Variants in FBXL17 observed in about 807,000 individuals in gnomAD.
FBXL17 encodes F-box and leucine rich repeat protein 17, also known as F-box/LRR-repeat protein 17.
FBXL17 carries 22 observed loss-of-function variants against 66.2 expected under a neutral mutation model. The ratio of observed to expected loss-of-function variants is 0.33; its 90% CI spans 0.24 to 0.47. The LOEUF (loss-of-function observed/expected upper bound fraction) is 0.47. Among genes scored for constraint, FBXL17 ranks in the 20% least tolerant of loss-of-function variants. FBXL17 has a pLI of 1.00. For missense variants in FBXL17, 878 were observed against 948.2 expected, an observed-to-expected ratio of 0.93 and a Z score of 0.97; for synonymous variants, 474 against 400.5, an observed-to-expected ratio of 1.18 and a Z score of -2.19.
intron 7 of FBXL17, among the ~76,000 whole-genome samples, chr5:107,921,725 G>A (rs1750327616): frequency 6.6e-6 from 1 of 152,158 alleles, no homozygotes; most frequent in South Asian, 2.1e-4. Flanking sequence ...TTCCCCTTGG[G>A]AAGCTCTTGC....
At chr5:107,986,540 T>A (rs1168776707) in intron 7 of FBXL17, among the ~76,000 whole-genome samples, 2 of 151,776 alleles carry the variant, frequency 1.3e-5, no homozygotes, top group East Asian at 1.9e-4. Flanking sequence ...CAATGTGTCA[T>A]ATCTTCCTTA....
intron 7 of FBXL17, among the ~76,000 whole-genome samples, chr5:107,903,234 A>C (rs2112535330): frequency 6.6e-6 from 1 of 152,314 alleles, no homozygotes; most frequent in Middle Eastern, 3.4e-3. Flanking sequence ...TTTTCAATTT[A>C]AATATTAGCT....
chr5:108,378,258 CA>C (rs1749583606), intron 1 of FBXL17, among the ~76,000 whole-genome samples: 1 of 150,560 alleles, frequency 6.6e-6, no homozygotes, highest in East Asian at 1.9e-4. Context: ...GTAGCTTTCC[CA>C]AAAAACATCC....
At chr5:108,365,037 T>C in intron 2 of FBXL17, 42 bp from the exon 3 acceptor site, 3 of 1,445,198 alleles carry the variant, frequency 2.1e-6, no homozygotes, top group Non-Finnish European at 2.8e-6. Flanking sequence ...TTGCTAAAAA[T>C]AAAAACGTAT....
rs1466837042 is a variant in FBXL17, at chr5:108,381,285, G to A, written c.407C>T (p.Ser136Leu). 1.4e-6 allele frequency: 2 copies of A among 1,416,566 alleles called. No homozygotes were observed. The highest frequency in any genetic ancestry group is 3.0e-5 in the Admixed American group (1 of 33,512). The allele number at this position is 1,416,566 out of a possible 1,614,324, so 87.7% of individuals were successfully genotyped here. A position where few individuals can be genotyped will look rare whatever the true frequency, so the allele number is the denominator to read the frequency against. The change falls in exon 1 of 9, where the codon TCG (serine) becomes TTG (leucine). Residue 136 changes from serine to leucine, a missense_variant. Ser to Leu is a moderately radical substitution (Grantham distance 145, BLOSUM62 -2). Around this residue, in one of 4 missense-constraint regions of FBXL17, gnomAD observed 605 missense variants for 509.5 expected, o/e 1.19. Coordinates refer to ENST00000542267, the MANE Select transcript of FBXL17 (RefSeq NM_001163315.3). Reference protein sequence around the residue: ...AAAAAAASASSPASCCKELGL... With the variant: ...AAAAAAASASLPASCCKELGL... ...CAACTCTTTGCAGCAGGAGGCGGGC[G>A]ACGAAGCCGAGGCGGCAGCGGCGGC...
chr5:108,227,787 A>G (rs1230658906), intron 4 of FBXL17, among the ~76,000 whole-genome samples: 1 of 152,226 alleles, frequency 6.6e-6, no homozygotes, highest in Non-Finnish European at 1.5e-5. Flanking sequence ...TAAATTTAAA[A>G]TAGGCTTTCC....
chr5:107,886,755 A>T (rs572644143), intron 7 of FBXL17, among the ~76,000 whole-genome samples: 1 of 152,166 alleles, frequency 6.6e-6, no homozygotes, highest in Non-Finnish European at 1.5e-5. Flanking sequence ...AAATATAAAC[A>T]TATTAACATT....
intron 7 of FBXL17, among the ~76,000 whole-genome samples, chr5:107,909,162 C>T (rs531696341): frequency 9.9e-5 from 15 of 152,190 alleles, no homozygotes; most frequent in Middle Eastern, 3.4e-3. Flanking sequence ...TGAGTAAAAA[C>T]ACAGTGAAGG....
At chr5:108,308,065 T>G (rs1056356350) in intron 4 of FBXL17, among the ~76,000 whole-genome samples, 1 of 152,074 alleles carries the variant, frequency 6.6e-6, no homozygotes, top group African/African-American at 2.4e-5. Flanking sequence ...TTTGTTCCTA[T>G]AAATAGAAAC....
chr5:108,329,496 A>G (rs1193277046), intron 4 of FBXL17, among the ~76,000 whole-genome samples: 1 of 152,160 alleles, frequency 6.6e-6, no homozygotes, highest in East Asian at 1.9e-4. Flanking sequence ...CAATGTCCTT[A>G]ACAATAAATA....
intron 7 of FBXL17, among the ~76,000 whole-genome samples, chr5:107,967,482 G>A (rs1425805719): frequency 7.1e-6 from 1 of 141,190 alleles, no homozygotes; most frequent in South Asian, 2.4e-4. Flanking sequence ...ACTGAACAAT[G>A]AGAACACTTG....
Position 108,381,375 on chromosome 5 carries a change from G to A in FBXL17, c.317C>T (p.Ala106Val), listed in dbSNP as rs949166241. 2.5e-5 allele frequency: 33 copies of A among 1,326,682 alleles called. No individual in the cohort carries two copies. The highest frequency in any genetic ancestry group is 8.2e-5 in the Admixed American group (2 of 24,454). 82.2% of individuals were successfully genotyped at this position (1,326,682 alleles called of 1,614,324 possible). Residue 106 changes from alanine to valine, a missense_variant, in exon 1 of 9, where the codon GCC (alanine) becomes GTC (valine). Ala to Val is a moderately conservative substitution (Grantham distance 64). This residue lies in a region of FBXL17 where 605 missense variants were observed against 509.5 expected (regional missense o/e 1.19). Coordinates refer to ENST00000542267, the MANE Select transcript of FBXL17 (RefSeq NM_001163315.3). ...AGCGGCGCAGTCCTCGGCGGCCAGG[G>A]CCGCGTAGCGCCGCGCCAGGTGCTG... is the stretch of plus-strand genomic sequence containing the variant. ...SSQHLARRYA[A>V]LAAEDCAAAA...
chr5:108,039,832 T>C (rs1321743019), intron 6 of FBXL17, among the ~76,000 whole-genome samples: 1 of 152,028 alleles, frequency 6.6e-6, no homozygotes, highest in Non-Finnish European at 1.5e-5. Flanking sequence ...CTCAAAGATG[T>C]TAGAAAATGT....
chr5:107,889,682 C>A (rs866015473), intron 7 of FBXL17, among the ~76,000 whole-genome samples: 1 of 152,190 alleles, frequency 6.6e-6, no homozygotes, highest in Admixed American at 6.5e-5. Flanking sequence ...TAGGTTGCAT[C>A]TGCTTTCCTT....
intron 4 of FBXL17, among the ~76,000 whole-genome samples, chr5:108,232,782 C>CATATATATATATATATAATATAT (rs1755404841): frequency 1.3e-5 from 1 of 78,164 alleles, no homozygotes; most frequent in African/African-American, 4.9e-5. Context: ...TAAGCTCTCA[C>CATATATATATATATATAATATAT]ATATATATAT....
chr5:107,903,037 C>T (rs1227933686), intron 7 of FBXL17, among the ~76,000 whole-genome samples: 2 of 152,014 alleles, frequency 1.3e-5, no homozygotes, highest in Non-Finnish European at 2.9e-5. Context: ...TTTCATCAAC[C>T]TCTATATGAT....
chr5:108,292,779 TGTCA>T (rs1483656919), intron 4 of FBXL17, among the ~76,000 whole-genome samples: 3 of 152,146 alleles, frequency 2.0e-5, no homozygotes, highest in African/African-American at 7.2e-5. Flanking sequence ...CTTAGCATGG[TGTCA>T]GTATTTATTA....
chr5:107,900,679 GACA>G (rs946800856), intron 7 of FBXL17, among the ~76,000 whole-genome samples: 3 of 152,062 alleles, frequency 2.0e-5, no homozygotes, highest in African/African-American at 7.2e-5. Context: ...GAACTCTTCA[GACA>G]ACAAGTAATG....
At chr5:108,356,286 G>C (rs1490765072) in intron 3 of FBXL17, among the ~76,000 whole-genome samples, 1 of 152,070 alleles carries the variant, frequency 6.6e-6, no homozygotes, top group African/African-American at 2.4e-5. Context: ...CATTATTATA[G>C]CTGAAGACTC....
Sources: gnomAD v4.1 joint callset for allele counts (sites outside exome capture counted in the v4.1 genomes callset) on GRCh38, gnomAD v4.1.1 for gene constraint, gnomAD v4.1.1 regional missense constraint, MANE v1.5 for transcripts, NCBI Gene and HGNC (gene_info 2026-07-23, HGNC 2026-07-21) for gene names.